PCDH15: variants seen among roughly 807,000 people sequenced by gnomAD.
The protein encoded by PCDH15 is protocadherin-15.
In PCDH15, 129 loss-of-function variants were observed where a neutral mutation model predicts 178.5. That is an observed-to-expected ratio of 0.72 (90% CI 0.63 to 0.84). The LOEUF is 0.84. PCDH15 is among the 40% of genes least tolerant of loss of function. PCDH15 has a pLI of 0.00. For synonymous variants in PCDH15, 800 were observed against 732.0 expected (o/e 1.09, Z -1.50); for missense variants, 2,230 against 2,099.9 (o/e 1.06, Z -1.21).
chr10:55,253,199 G>A (rs1321327543), intron 1 of PCDH15, among the ~76,000 whole-genome samples: 1 of 151,110 alleles, frequency 6.6e-6, no homozygotes, highest in Non-Finnish European at 1.5e-5. Flanking sequence ...AGAGAGTATA[G>A]GGCATGGAGA....
chr10:54,607,932 T>G (rs760224855), intron 2 of PCDH15: 1 of 511,894 alleles, frequency 2.0e-6, no homozygotes, highest in Admixed American at 2.1e-5. Context: ...TGTCAAAAAC[T>G]GTGATTACTT....
intron 8 of PCDH15, among the ~76,000 whole-genome samples, chr10:54,283,833 A>G (rs916141067): frequency 1.3e-5 from 2 of 152,006 alleles, no homozygotes; most frequent in African/African-American, 4.8e-5. Context: ...ACATGAGAAG[A>G]CATGATTTTA....
chr10:54,989,285 A>G (rs1713427197), intron 2 of PCDH15, among the ~76,000 whole-genome samples: 1 of 152,230 alleles, frequency 6.6e-6, no homozygotes, highest in Admixed American at 6.5e-5. Flanking sequence ...GAGCCCCCAC[A>G]CAGAGTCCCT....
At chr10:54,395,159 G>T (rs573970894) in intron 3 of PCDH15, among the ~76,000 whole-genome samples, 3 of 152,018 alleles carry the variant, frequency 2.0e-5, no homozygotes, top group East Asian at 1.9e-4. Flanking sequence ...AAATCACAAG[G>T]GTATTCATTG....
chr10:54,431,794 C>G (rs1433241700), intron 3 of PCDH15, among the ~76,000 whole-genome samples: 2 of 151,978 alleles, frequency 1.3e-5, no homozygotes, highest in African/African-American at 2.4e-5. Flanking sequence ...AGCACCCCAA[C>G]TGGAAAGAAA....
At chr10:53,823,559 A>AGAATGAGAAATGT in intron 32 of PCDH15, 1 of 693,708 alleles carries the variant, frequency 1.4e-6, no homozygotes, top group Non-Finnish European at 2.6e-6. Context: ...AGTTGTGAGA[A>AGAATGAGAAATGT]GAATGAGAAA....
chr10:54,337,218 C>T (rs1454085216), intron 6 of PCDH15, among the ~76,000 whole-genome samples: 1 of 151,976 alleles, frequency 6.6e-6, no homozygotes, highest in Non-Finnish European at 1.5e-5. Flanking sequence ...CTTGCTTTGT[C>T]TCAGATGAGA....
intron 8 of PCDH15, among the ~76,000 whole-genome samples, chr10:54,300,086 C>G (rs778561448): frequency 1.3e-5 from 2 of 152,206 alleles, no homozygotes; most frequent in Admixed American, 6.5e-5. Context: ...AGCAGAGACT[C>G]TCCTAAACTG....
At chr10:54,610,133 C>A (rs1412166491) in intron 2 of PCDH15, among the ~76,000 whole-genome samples, 1 of 151,840 alleles carries the variant, frequency 6.6e-6, no homozygotes, top group Non-Finnish European at 1.5e-5. Flanking sequence ...AGCTGTTGAG[C>A]TCATACTCTT....
At chr10:54,428,050 G>T (rs1409117093) in intron 3 of PCDH15, among the ~76,000 whole-genome samples, 3 of 152,146 alleles carry the variant, frequency 2.0e-5, no homozygotes, top group African/African-American at 7.2e-5. Context: ...CGATATAAGA[G>T]AAATTATTGT....
chr10:53,965,776 C>T (rs193106311), intron 21 of PCDH15, among the ~76,000 whole-genome samples: 27 of 152,138 alleles, frequency 1.8e-4, no homozygotes, highest in African/African-American at 3.9e-4. Flanking sequence ...GTCTGTAGGA[C>T]GGTGACTAAA....
At chr10:54,865,921 T>G (rs1303182256) in intron 3 of PCDH15, among the ~76,000 whole-genome samples, 6 of 152,130 alleles carry the variant, frequency 3.9e-5, no homozygotes, top group Non-Finnish European at 7.3e-5. Context: ...GATAAAGAAT[T>G]TGGGCAGAAC....
intron 2 of PCDH15, among the ~76,000 whole-genome samples, chr10:54,595,441 A>G (rs1346314181): frequency 1.3e-5 from 2 of 152,182 alleles, no homozygotes; most frequent in Non-Finnish European, 2.9e-5. Context: ...TAAAAGAAAA[A>G]AAATCCAAAG....
chr10:55,333,590 T>G (rs903146668), intron 2 of PCDH15, among the ~76,000 whole-genome samples: 2 of 152,042 alleles, frequency 1.3e-5, no homozygotes, highest in African/African-American at 4.8e-5. Context: ...TATTATGGTA[T>G]TATTATTTAA....
rs556217466 is a variant in PCDH15 at position 54,295,607 on chromosome 10, A to C, written c.876+21664T>G. Among the ~76,000 whole-genome samples the C allele has an allele frequency of 5.3e-5, 8 of 152,330 alleles. No homozygotes were observed. In the East Asian group the frequency reaches 1.5e-3, roughly 29 times the overall value. The stretch of plus-strand genomic sequence containing the variant: ...AAACTCTGGACGTATCTGAACATCC[A>C]AATGAAGAAACTCCGGACATACCAT... On this transcript the variant is annotated intron_variant, in intron 8 of 37. Coordinates refer to ENST00000644397, the MANE Select transcript of PCDH15 (RefSeq NM_001384140.1).
intron 1 of PCDH15, among the ~76,000 whole-genome samples, chr10:54,703,035 A>G (rs1397013597): frequency 6.6e-6 from 1 of 152,164 alleles, no homozygotes. Context: ...CACCATGATC[A>G]AGTAGGCTTT....
At chr10:54,871,532 A>C (rs976864042) in intron 3 of PCDH15, among the ~76,000 whole-genome samples, 3 of 152,122 alleles carry the variant, frequency 2.0e-5, no homozygotes, top group Non-Finnish European at 2.9e-5. Flanking sequence ...AGTCTGCCTG[A>C]GACTACATCT....
chr10:54,904,376 G>A (rs1954686375), intron 2 of PCDH15, among the ~76,000 whole-genome samples: 1 of 151,702 alleles, frequency 6.6e-6, no homozygotes, highest in African/African-American at 2.4e-5. Context: ...AGACTATCTA[G>A]TTACAATTTA....
At chr10:54,926,820 C>A (rs1044306740) in intron 2 of PCDH15, among the ~76,000 whole-genome samples, 7 of 151,778 alleles carry the variant, frequency 4.6e-5, no homozygotes, top group African/African-American at 1.7e-4. Context: ...TTTCTAATTG[C>A]ATTTATTTGG....
Sources: allele counts gnomAD v4.1 joint callset (sites outside exome capture counted in the v4.1 genomes callset), GRCh38; gene constraint gnomAD v4.1.1; transcripts MANE v1.5; gene names NCBI Gene and HGNC (gene_info 2026-07-23, HGNC 2026-07-21).